Variants in TEK observed in about 807,000 individuals in gnomAD.
TEK encodes the protein angiopoietin-1 receptor.
A neutral mutation model predicts 131.8 loss-of-function variants in TEK; 43 were observed. That is an observed-to-expected ratio of 0.33 (90% CI 0.26 to 0.42). The LOEUF is 0.42. Ranked by LOEUF, TEK falls within the 10% of genes least tolerant of loss-of-function variation. The pLI is 1.00. For missense variants in TEK, 1,162 were observed against 1,384.4 expected (o/e 0.84, Z 2.55); for synonymous variants, 580 against 491.6 (o/e 1.18, Z -2.38).
chr9:27,110,156 G>A (rs1469842580), intron 1 of TEK, among the ~76,000 whole-genome samples: 1 of 134,384 alleles, frequency 7.4e-6, no homozygotes, highest in Non-Finnish European at 1.6e-5. Flanking sequence ...TTTAAGCAAA[G>A]CAATGAAATT....
Position 27,229,393 on chromosome 9 carries a change from T to C in TEK, c.*161T>C, listed in dbSNP as rs1826473958. On this transcript the variant is annotated 3_prime_UTR_variant, in exon 23 of 23. Transcript: ENST00000380036. ...ACTGTAGATCCCATGCATGGATCTATGTAGTATGCTCTGACTCTAATAGGA... is the reference window on the plus strand; with the variant it reads ...ACTGTAGATCCCATGCATGGATCTACGTAGTATGCTCTGACTCTAATAGGA... The C allele has an allele frequency of 4.1e-6, 3 of 724,982 alleles. No homozygotes were observed. Among genetic ancestry groups the C allele is most frequent in the Admixed American group, 1.9e-5 (1 of 51,844 alleles). 44.9% of individuals were successfully genotyped at this position (724,982 alleles called of 1,614,324 possible).
intron 11 of TEK, among the ~76,000 whole-genome samples, chr9:27,196,442 C>A (rs1031823011): frequency 6.6e-6 from 1 of 152,138 alleles, no homozygotes; most frequent in African/African-American, 2.4e-5. Flanking sequence ...GAGGTGGTAT[C>A]TTATTCTAGA....
chr9:27,190,856 C>T (rs1824791843), intron 10 of TEK, among the ~76,000 whole-genome samples, 166 bp downstream of exon 10: 1 of 152,136 alleles, frequency 6.6e-6, no homozygotes, highest in African/African-American at 2.4e-5. Context: ...GCAGGGGGCC[C>T]CTGAGCTCTG....
intron 18 of TEK, among the ~76,000 whole-genome samples, chr9:27,216,298 G>T (rs1312691820): frequency 6.6e-6 from 1 of 152,150 alleles, no homozygotes; most frequent in African/African-American, 2.4e-5. Flanking sequence ...AGAGATTGTT[G>T]TCATCAGGTG....
intron 12 of TEK, among the ~76,000 whole-genome samples, chr9:27,198,947 G>T (rs916400779): frequency 2.0e-5 from 3 of 151,990 alleles, no homozygotes; most frequent in Non-Finnish European, 4.4e-5. Context: ...ACAGGCACAC[G>T]CCACCACACC....
intron 2 of TEK, among the ~76,000 whole-genome samples, chr9:27,167,267 G>A (rs1302760003): frequency 1.3e-5 from 2 of 151,704 alleles, no homozygotes; most frequent in Non-Finnish European, 2.9e-5. Context: ...TTGCTCTGTT[G>A]CCCATGCTGG....
chr9:27,116,652 G>T (rs904978629), intron 1 of TEK, among the ~76,000 whole-genome samples: 2 of 152,170 alleles, frequency 1.3e-5, no homozygotes, highest in Non-Finnish European at 2.9e-5. Flanking sequence ...TTGGGCAAGA[G>T]ATTGAGATGT....
intron 12 of TEK, 70 bp from the exon 13 acceptor site, chr9:27,202,750 T>C (rs996582220): frequency 6.6e-7 from 1 of 1,517,064 alleles, no homozygotes; most frequent in Non-Finnish European, 9.1e-7. Context: ...ATGAACTCTA[T>C]CTCAAAAGCA....
chr9:27,169,024 G>C (rs530017443), intron 3 of TEK, among the ~76,000 whole-genome samples: 1 of 152,272 alleles, frequency 6.6e-6, no homozygotes, highest in African/African-American at 2.4e-5. Flanking sequence ...CTATGGTTTC[G>C]TACCACCCAG....
At chr9:27,163,999 C>G (rs1011823679) in intron 2 of TEK, among the ~76,000 whole-genome samples, 3 of 152,162 alleles carry the variant, frequency 2.0e-5, no homozygotes, top group Non-Finnish European at 2.9e-5. Flanking sequence ...TGATCTTAAG[C>G]AAGTTATCTT....
At chr9:27,192,051 T>A in intron 10 of TEK, 1 of 415,724 alleles carries the variant, frequency 2.4e-6, no homozygotes, top group Non-Finnish European at 4.7e-6. Context: ...GTATGACCAT[T>A]GCAAATCAGT....
At chr9:27,165,788 T>C (rs988118460) in intron 2 of TEK, among the ~76,000 whole-genome samples, 1 of 152,152 alleles carries the variant, frequency 6.6e-6, no homozygotes, top group Non-Finnish European at 1.5e-5. Flanking sequence ...TACCCCGTGC[T>C]CTCTCTGGGT....
intron 1 of TEK, among the ~76,000 whole-genome samples, chr9:27,112,895 T>A (rs1013659468): frequency 6.6e-6 from 1 of 152,226 alleles, no homozygotes; most frequent in African/African-American, 2.4e-5. Context: ...AAAGTTCTTG[T>A]GAATGACACC....
intron 6 of TEK, among the ~76,000 whole-genome samples, chr9:27,175,072 G>A (rs1473558541): frequency 1.3e-5 from 2 of 148,972 alleles, no homozygotes; most frequent in Non-Finnish European, 3.0e-5. Flanking sequence ...GTGCCATGCT[G>A]GTGTGCTGCA....
chr9:27,208,347 G>GTT (rs34815507), intron 15 of TEK, among the ~76,000 whole-genome samples: 29 of 147,174 alleles, frequency 2.0e-4, no homozygotes, highest in East Asian at 4.1e-4. Flanking sequence ...CCCAATGTGT[G>GTT]TTTTTTTTTT....
chr9:27,110,551 C>T (rs183700531), intron 1 of TEK, among the ~76,000 whole-genome samples: 6 of 152,138 alleles, frequency 3.9e-5, no homozygotes, highest in East Asian at 1.9e-4. Flanking sequence ...ATTTTAATAA[C>T]GAAAATCGAA....
At chr9:27,149,972 G>T (rs182044772) in intron 1 of TEK, among the ~76,000 whole-genome samples, 2 of 152,132 alleles carry the variant, frequency 1.3e-5, no homozygotes, top group Non-Finnish European at 2.9e-5. Context: ...AGGCAGCACT[G>T]CCAGGCTTAA....
At chr9:27,202,151 T>C (rs1247241063) in intron 12 of TEK, among the ~76,000 whole-genome samples, 2 of 152,218 alleles carry the variant, frequency 1.3e-5, no homozygotes, top group African/African-American at 4.8e-5. Context: ...TCAAGGCATC[T>C]CTTTCTCATC....
At chr9:27,222,495 A>G (rs1826125765) in intron 21 of TEK, among the ~76,000 whole-genome samples, 1 of 152,216 alleles carries the variant, frequency 6.6e-6, no homozygotes, top group South Asian at 2.1e-4. Flanking sequence ...AGGGAAGCCA[A>G]ACAGACTAAC....
Sources: allele counts gnomAD v4.1 joint callset (sites outside exome capture counted in the v4.1 genomes callset), GRCh38; gene constraint gnomAD v4.1.1; transcripts MANE v1.5; gene names NCBI Gene and HGNC (gene_info 2026-07-23, HGNC 2026-07-21).